Variants in TNS1 observed in about 807,000 individuals in gnomAD.
TNS1 encodes tensin-1.
In TNS1, 62 loss-of-function variants were observed where a neutral mutation model predicts 168.6. That is an observed-to-expected ratio of 0.37 (90% CI 0.30 to 0.45). The LOEUF (loss-of-function observed/expected upper bound fraction) is 0.45. Among genes scored for constraint, TNS1 ranks in the 20% least tolerant of loss-of-function variants. The probability of loss-of-function intolerance (pLI) is 1.00; values close to 1 mark genes in which losing one functional copy is unlikely to be tolerated. For missense variants in TNS1, 2,240 were observed against 2,339.4 expected (o/e 0.96, Z 0.88); for synonymous variants, 934 against 933.2 (o/e 1.00, Z -0.02).
intron 18 of TNS1, among the ~76,000 whole-genome samples, chr2:217,862,111 G>A (rs1948834466): frequency 6.6e-6 from 1 of 152,202 alleles, no homozygotes; most frequent in Non-Finnish European, 1.5e-5. Flanking sequence ...TCCACCTGCA[G>A]AGATGAATTC....
In TNS1 at chr2:217,995,645, C is replaced by T. The variant is rs1029164955; in HGVS notation, c.34-4589G>A. ...GTCACTTTTCCTGACAAGTGGCAGA[C>T]GGCCTCACGGAGCACACCCCGGGGC... On this transcript the variant is annotated intron_variant, in intron 1 of 32. Coordinates refer to ENST00000682258, the MANE Select transcript of TNS1 (RefSeq NM_001387777.1). The surrounding 1 kb of genome is among the most constrained non-coding windows in gnomAD (Gnocchi z 4.1). 8.5e-5 allele frequency among the ~76,000 whole-genome samples: 13 copies of T among 152,106 alleles called. No homozygotes were observed. The highest frequency in any genetic ancestry group is 2.4e-4 in the African/African-American group (10 of 41,416).
intron 3 of TNS1, among the ~76,000 whole-genome samples, chr2:217,937,660 C>T (rs1218524390): frequency 6.6e-6 from 1 of 152,124 alleles, no homozygotes; most frequent in Admixed American, 6.5e-5. Context: ...TGGGGGACGC[C>T]CAGCAGAGGC....
intron 22 of TNS1, among the ~76,000 whole-genome samples, chr2:217,822,213 G>A (rs1381225045): frequency 6.6e-6 from 1 of 152,164 alleles, no homozygotes; most frequent in Non-Finnish European, 1.5e-5. Flanking sequence ...CAAGGACTAG[G>A]AGGCTGTCCA....
At chr2:217,859,342 A>C in intron 18 of TNS1, 1 of 403,288 alleles carries the variant, frequency 2.5e-6, no homozygotes, top group Non-Finnish European at 4.4e-6. Context: ...AATAAGGTGG[A>C]AATCTTTTTT....
At chr2:217,835,898 G>A (rs900219359) in intron 20 of TNS1, 117 bp downstream of exon 20, 2 of 899,076 alleles carry the variant, frequency 2.2e-6, no homozygotes, top group Admixed American at 2.4e-5. Context: ...GAGGACGTAG[G>A]GGGAGACAAA....
intron 3 of TNS1, among the ~76,000 whole-genome samples, chr2:217,966,822 G>C (rs115435869): frequency 0.015 from 2,234 of 152,312 alleles, 57 homozygotes; most frequent in African/African-American, 0.051. Flanking sequence ...TTGCTGTACT[G>C]AAATCCATCA....
chr2:218,005,419 C>T (rs1307389995), upstream of TNS1, among the ~76,000 whole-genome samples: 2 of 152,180 alleles, frequency 1.3e-5, no homozygotes, highest in Non-Finnish European at 2.9e-5. Flanking sequence ...TCCAGAATAC[C>T]CCCATCCCTC....
chr2:217,923,809 C>G (rs1358473200), intron 3 of TNS1, among the ~76,000 whole-genome samples: 1 of 152,238 alleles, frequency 6.6e-6, no homozygotes, highest in Non-Finnish European at 1.5e-5. Context: ...CAGTCTGGCT[C>G]TGGAGGCTGC....
intron 18 of TNS1, among the ~76,000 whole-genome samples, chr2:217,860,758 CT>C (rs994553653): frequency 4.6e-5 from 7 of 152,210 alleles, no homozygotes; most frequent in African/African-American, 1.2e-4. Context: ...AAATACATAC[CT>C]TTTTTTCCAA....
intron 18 of TNS1, chr2:217,850,267 G>A: frequency 1.0e-6 from 1 of 985,382 alleles, no homozygotes; most frequent in Non-Finnish European, 1.2e-6. Context: ...GTGCCAGAGG[G>A]GACACGCTTT....
At chr2:217,903,464 T>C in intron 6 of TNS1, 1 of 1,210,908 alleles carries the variant, frequency 8.3e-7, no homozygotes, top group Non-Finnish European at 1.1e-6. Flanking sequence ...GTAATCCTAT[T>C]CTTTTCCTCT....
At chr2:218,008,362 T>C (rs961137080) in intron 1 of TNS1, among the ~76,000 whole-genome samples, 2 of 151,798 alleles carry the variant, frequency 1.3e-5, no homozygotes, top group Non-Finnish European at 2.9e-5. Context: ...GAGAGTGGAG[T>C]GAAGTGGTTC....
At position 217,804,252 on chromosome 2, in the gene TNS1, ATCTTTCTC is replaced by A; in HGVS notation, c.*199_*206del. 2.0e-6 allele frequency: 1 copy of A among 493,462 alleles called. No individual in the cohort carries two copies. Among genetic ancestry groups the A allele is most frequent in the South Asian group, 2.4e-5 (1 of 41,712 alleles). The allele number at this position is 493,462 out of a possible 1,614,324, so 30.6% of individuals were successfully genotyped here. A position where few individuals can be genotyped will look rare whatever the true frequency, so the allele number is the denominator to read the frequency against. Reference sequence around the variant, plus strand: ...AGGGGAATCCAAGTTCTTCTCCTCCATCTTTCTCTCTCTCTCTCTCTCTCTCTCTCTCT... The same window carrying A: ...AGGGGAATCCAAGTTCTTCTCCTCCATCTCTCTCTCTCTCTCTCTCTCTCT... On this transcript the variant is annotated 3_prime_UTR_variant, in exon 33 of 33. Transcript: ENST00000682258.
intron 3 of TNS1, among the ~76,000 whole-genome samples, chr2:217,957,600 T>C (rs1957397155): frequency 6.6e-6 from 1 of 152,198 alleles, no homozygotes; most frequent in South Asian, 2.1e-4. Flanking sequence ...GCACAGCTTC[T>C]ATGTTCTTCT....
At chr2:217,891,478 G>A (rs1019273851) in intron 11 of TNS1, among the ~76,000 whole-genome samples, 2 of 152,192 alleles carry the variant, frequency 1.3e-5, no homozygotes, top group East Asian at 3.9e-4. Context: ...TAGGGGTACA[G>A]GAGTGCAGTA....
At chr2:217,878,664 C>T (rs925528565) in intron 18 of TNS1, among the ~76,000 whole-genome samples, 1 of 152,210 alleles carries the variant, frequency 6.6e-6, no homozygotes, top group Non-Finnish European at 1.5e-5. Flanking sequence ...GAAAACACCA[C>T]ATGCAGTCCT....
chr2:217,964,031 A>G (rs1957564280), intron 3 of TNS1, among the ~76,000 whole-genome samples: 1 of 152,020 alleles, frequency 6.6e-6, no homozygotes, highest in African/African-American at 2.4e-5. Flanking sequence ...AGCTACTGAG[A>G]GCTCACCTCC....
intron 18 of TNS1, chr2:217,879,235 T>C (rs1950468281): frequency 9.8e-6 from 3 of 304,618 alleles, no homozygotes; most frequent in South Asian, 7.1e-5. Context: ...ACTAAATGTT[T>C]TTACATTTAT....
chr2:217,852,255 T>C (rs1045665197), intron 18 of TNS1, among the ~76,000 whole-genome samples: 4 of 152,158 alleles, frequency 2.6e-5, no homozygotes, highest in Non-Finnish European at 4.4e-5. Flanking sequence ...ATGGGGCCCC[T>C]TGGACAAGTT....
Sources: allele counts gnomAD v4.1 joint callset (sites outside exome capture counted in the v4.1 genomes callset), GRCh38; gene constraint gnomAD v4.1.1; non-coding constraint Gnocchi (gnomAD v3.1); transcripts MANE v1.5; gene names NCBI Gene and HGNC (gene_info 2026-07-23, HGNC 2026-07-21).